Variants in MAST3 observed in about 807,000 individuals in gnomAD.
MAST3 encodes microtubule-associated serine/threonine-protein kinase 3.
MAST3 carries 43 observed loss-of-function variants against 127.0 expected under a neutral mutation model. The ratio of observed to expected loss-of-function variants is 0.34; its 90% CI spans 0.27 to 0.44. The LOEUF (loss-of-function observed/expected upper bound fraction) is 0.44. Among genes scored for constraint, MAST3 ranks in the 20% least tolerant of loss-of-function variants. The probability of loss-of-function intolerance (pLI) is 1.00; values close to 1 mark genes in which losing one functional copy is unlikely to be tolerated. For missense variants in MAST3, 1,390 were observed against 1,919.1 expected (o/e 0.72, Z 5.15); for synonymous variants, 785 against 809.2 (o/e 0.97, Z 0.51).
intron 11 of MAST3, among the ~76,000 whole-genome samples, chr19:18,125,102 G>A (rs1240125484): frequency 6.6e-6 from 1 of 150,568 alleles, no homozygotes; most frequent in Non-Finnish European, 1.5e-5. Flanking sequence ...GCGAGACCCT[G>A]TCTCAAAAAA....
chr19:18,125,740 C>CA (rs940062855), intron 11 of MAST3, among the ~76,000 whole-genome samples: 1,619 of 123,650 alleles, frequency 0.013, 10 homozygotes, highest in Middle Eastern at 0.02. Context: ...GACTCTGTCT[C>CA]AAAAAAAAAA....
chr19:18,131,817 G>C (rs891676491), intron 14 of MAST3, 92 bp from the exon 15 acceptor site: 2 of 1,419,472 alleles, frequency 1.4e-6, no homozygotes, highest in African/African-American at 1.4e-5. Flanking sequence ...GAGGTAAAGC[G>C]AGGAGGATGC....
chr19:18,108,201 G>C (rs1282738583), intron 2 of MAST3, among the ~76,000 whole-genome samples: 2 of 152,040 alleles, frequency 1.3e-5, no homozygotes, highest in Non-Finnish European at 2.9e-5. Flanking sequence ...GCTGAGGCAG[G>C]AGATTCGCTT....
Position 18,145,192 on chromosome 19 carries a change from G to T in MAST3, c.3002G>T (p.Gly1001Val). ...CTGCGGGCGATCCGCGTCTACATGG[G>T]TGATAGCGACGTCTACACTGTGCAC... ...FSLRAIRVYM[G>V]DSDVYTVHHV... is the part of the protein sequence containing the mutation. The change falls in exon 24 of 28, where the codon GGT becomes GTT. Residue 1001 changes from glycine (G) to valine (V), a missense_variant. This residue lies in a region of MAST3 where 816 missense variants were observed against 934.1 expected (regional missense o/e 0.87). Transcript: ENST00000687212. The surrounding 1 kb of genome is among the most constrained non-coding windows in gnomAD (Gnocchi z 5.9). The T allele has an allele frequency of 6.2e-7, 1 of 1,613,872 alleles. No individual in the cohort carries two copies. Among genetic ancestry groups the T allele is most frequent in the African/African-American group, 1.3e-5 (1 of 75,008 alleles).
intron 1 of MAST3, among the ~76,000 whole-genome samples, chr19:18,105,388 A>G (rs1002615687): frequency 3.3e-5 from 5 of 151,576 alleles, no homozygotes; most frequent in African/African-American, 1.2e-4. Flanking sequence ...AACAAACAAA[A>G]AACTGGTTTT....
Position 18,145,078 on chromosome 19 carries a change from C to T in MAST3, c.2888C>T (p.Ser963Phe). The T allele has an allele frequency of 6.2e-7, 1 of 1,613,182 alleles. No individual in the cohort carries two copies. Among genetic ancestry groups the T allele is most frequent in the Non-Finnish European group, 8.5e-7 (1 of 1,179,862 alleles). Residue 963 changes from serine (S) to phenylalanine (F), a missense_variant, in exon 24 of 28, where the codon TCT becomes TTT. Ser to Phe is a radical substitution (Grantham distance 155, BLOSUM62 -2). Coordinates refer to ENST00000687212, the MANE Select transcript of MAST3 (RefSeq NM_001393504.1). This position sits in a 1 kb window ranked among gnomAD's most constrained non-coding sequence, Gnocchi z 5.9. The stretch of plus-strand genomic sequence containing the variant: ...TCCTCGAACCCGTCGTCCCGTGACT[C>T]TTCGCCGAGCCGAGACCCGTCCCCC... Reference protein sequence around the residue: ...SLSSNPSSRDSSPSRDPSPVC... With the variant: ...SLSSNPSSRDFSPSRDPSPVC...
intron 3 of MAST3, 112 bp from the exon 4 acceptor site, chr19:18,121,573 T>C: frequency 2.1e-6 from 2 of 943,518 alleles, no homozygotes. Context: ...AGTGGCCATG[T>C]CCAACATCCC....
In MAST3 at chr19:18,142,007, T is replaced by C. The variant is rs2147733178; in HGVS notation, c.2331T>C (p.Ala777=). The stretch of plus-strand genomic sequence containing the variant: ...TGGACTATGGCCGCCGGCTGAGTGC[T>C]GACATCCGGTAAGTGGCCTGGGGAA... ...SEVDYGRRLS[A]DIRLRSWTSS... is the part of the protein sequence containing the mutation. Residue 777 remains alanine (A), a synonymous_variant, in exon 21 of 28, where the codon GCT becomes GCC. Coordinates refer to ENST00000687212, the MANE Select transcript of MAST3 (RefSeq NM_001393504.1). 1 of 1,496,516 alleles carries C rather than the reference T, an allele frequency of 6.7e-7. No individual in the cohort carries two copies. The highest frequency in any genetic ancestry group is 9.0e-7 in the Non-Finnish European group (1 of 1,111,346). 92.7% of individuals were successfully genotyped at this position (1,496,516 alleles called of 1,614,324 possible).
rs112639284 is a variant in MAST3 at position 18,112,531 on chromosome 19, C to T, written c.161+1790C>T. Among the ~76,000 whole-genome samples the T allele has an allele frequency of 0.01, 1,571 of 152,262 alleles. 18 individuals are homozygous for T. Among genetic ancestry groups the T allele is most frequent in the Non-Finnish European group, 0.017 (1,147 of 68,022 alleles). ...TGTATTTTCAGTAAAGATGGGGTTTCACCATGTTAGCTAGGCTGGTCTCGA... is the reference window on the plus strand; with the variant it reads ...TGTATTTTCAGTAAAGATGGGGTTTTACCATGTTAGCTAGGCTGGTCTCGA... On this transcript the variant is annotated intron_variant, in intron 3 of 27. Coordinates refer to ENST00000687212, the MANE Select transcript of MAST3 (RefSeq NM_001393504.1). The surrounding 1 kb of genome is among the most constrained non-coding windows in gnomAD (Gnocchi z 4.1).
intron 26 of MAST3, among the ~76,000 whole-genome samples, 174 bp downstream of exon 26, chr19:18,147,218 C>T (rs1426412145): frequency 1.3e-5 from 2 of 150,346 alleles, no homozygotes; most frequent in African/African-American, 2.4e-5. Flanking sequence ...ACTGTCCTGC[C>T]TCAGCCCCCT....
chr19:18,142,727 C>T (rs2042633128), intron 21 of MAST3, among the ~76,000 whole-genome samples: 1 of 150,930 alleles, frequency 6.6e-6, no homozygotes, highest in African/African-American at 2.4e-5. Context: ...GATCATAGCT[C>T]ACTTCAGCCT....
At chr19:18,103,905 G>A (rs993085284) in intron 1 of MAST3, among the ~76,000 whole-genome samples, 3 of 152,010 alleles carry the variant, frequency 2.0e-5, no homozygotes, top group African/African-American at 4.8e-5. Context: ...GGGTAGTGGA[G>A]GAAGTGGTAT....
At position 18,122,663 on chromosome 19, in the gene MAST3, C is replaced by A; in HGVS notation, c.321-10C>A. 6.2e-7 allele frequency: 1 copy of A among 1,611,304 alleles called. No individual in the cohort carries two copies. The highest frequency in any genetic ancestry group is 1.1e-5 in the South Asian group (1 of 90,374). On this transcript the variant is annotated splice_polypyrimidine_tract_variant and intron_variant, in intron 5 of 27. Transcript: ENST00000687212. Reference sequence around the variant, plus strand: ...GCCTTCCTTCCATCTGTTCTTGTTCCCCTCTCCAGGGCAGACGGCAGAAGA... The same window carrying A: ...GCCTTCCTTCCATCTGTTCTTGTTCACCTCTCCAGGGCAGACGGCAGAAGA...
intron 11 of MAST3, among the ~76,000 whole-genome samples, chr19:18,127,062 G>A (rs1386538487): frequency 6.6e-6 from 1 of 151,960 alleles, no homozygotes; most frequent in African/African-American, 2.4e-5. Context: ...TTACAGGCGT[G>A]AGCCACCGCG....
At chr19:18,139,516 G>T (rs1007071291) in intron 20 of MAST3, among the ~76,000 whole-genome samples, 2 of 151,940 alleles carry the variant, frequency 1.3e-5, no homozygotes, top group African/African-American at 2.4e-5. Flanking sequence ...ATAGAGATGG[G>T]GTTTCACCAT....
intron 20 of MAST3, among the ~76,000 whole-genome samples, chr19:18,141,348 C>G (rs1398558431): frequency 2.7e-5 from 4 of 148,856 alleles, no homozygotes; most frequent in African/African-American, 4.9e-5. Flanking sequence ...GCAACTGGTA[C>G]ATAGGAATCA....
At chr19:18,107,446 A>C (rs1568547504) in intron 1 of MAST3, 141 bp from the exon 2 acceptor site, 2 of 868,854 alleles carry the variant, frequency 2.3e-6, no homozygotes, top group Non-Finnish European at 3.9e-6. Flanking sequence ...GCCTTGAGGC[A>C]GGGCTGAGCC....
chr19:18,149,840 G>A lies in MAST3; in HGVS notation c.*114G>A, dbSNP rs913467417. Reference sequence around the variant, plus strand: ...GCCACCAGCCTGACACCCAGAAGGCGAGAAGCCATCTCGGTCCTTGCTGGA... The same window carrying A: ...GCCACCAGCCTGACACCCAGAAGGCAAGAAGCCATCTCGGTCCTTGCTGGA... On this transcript the variant is annotated 3_prime_UTR_variant, in exon 28 of 28. Coordinates refer to ENST00000687212, the MANE Select transcript of MAST3 (RefSeq NM_001393504.1). This position sits in a 1 kb window ranked among gnomAD's most constrained non-coding sequence, Gnocchi z 5.9. The A allele has an allele frequency of 1.0e-5, 15 of 1,461,454 alleles. No homozygotes were observed. The Admixed American group carries it at 1.3e-4, about 13-fold the overall frequency. The allele number at this position is 1,461,454 out of a possible 1,614,324, so 90.5% of individuals were successfully genotyped here. A position where few individuals can be genotyped will look rare whatever the true frequency, so the allele number is the denominator to read the frequency against.
chr19:18,116,031 C>A (rs943974158), intron 3 of MAST3, among the ~76,000 whole-genome samples: 4 of 151,910 alleles, frequency 2.6e-5, no homozygotes, highest in African/African-American at 9.7e-5. Flanking sequence ...TGGCTAAAGT[C>A]GCCCCTTGCA....
Sources: gnomAD v4.1 joint callset for allele counts (sites outside exome capture counted in the v4.1 genomes callset) on GRCh38, gnomAD v4.1.1 for gene constraint, gnomAD v4.1.1 regional missense constraint, Gnocchi (gnomAD v3.1) non-coding constraint, MANE v1.5 for transcripts, NCBI Gene and HGNC (gene_info 2026-07-23, HGNC 2026-07-21) for gene names.